The following ZNF385D variants were observed in gnomAD, a reference collection of about 807,000 sequenced individuals.
ZNF385D encodes the protein zinc finger protein 659.
Under a neutral mutation model 35.8 loss-of-function variants are expected in ZNF385D, and 15 were observed. The observed-to-expected ratio is 0.42, with a 90% CI of 0.28 to 0.64. The LOEUF (loss-of-function observed/expected upper bound fraction) is 0.64. Among genes scored for constraint, ZNF385D ranks in the 30% least tolerant of loss-of-function variants. ZNF385D has a pLI of 0.23. For missense variants in ZNF385D, 474 were observed against 494.6 expected (o/e 0.96, Z 0.39); for synonymous variants, 212 against 186.8 (o/e 1.13, Z -1.10).
chr3:22,158,965 A>T lies in ZNF385D; in HGVS notation c.325+9852T>A, dbSNP rs115995251. ...AAGGAAAACAAAAGTTAAAAAGCTT[A>T]TACTTTCAAACCTAGAAAAGCAGAG... is the stretch of plus-strand genomic sequence containing the variant. On this transcript the variant is annotated intron_variant, in intron 3 of 5. Coordinates refer to the ZNF385D transcript ENST00000494108. 5.7e-3 allele frequency among the ~76,000 whole-genome samples: 869 copies of T among 152,236 alleles called. 6 individuals are homozygous for T. Among genetic ancestry groups the T allele is most frequent in the Non-Finnish European group, 9.7e-3 (661 of 67,982 alleles).
At chr3:22,325,944 C>CAT (rs141783361) in intron 2 of ZNF385D, among the ~76,000 whole-genome samples, 2,227 of 151,884 alleles carry the variant, frequency 0.015, 31 homozygotes, top group Non-Finnish European at 0.023. Context: ...CATCATTATC[C>CAT]ATCTCTTTCC....
At chr3:21,877,696 C>T (rs556821139) in intron 3 of ZNF385D, 1 of 151,970 alleles carries the variant, frequency 6.6e-6, no homozygotes, top group Non-Finnish European at 1.5e-5. Flanking sequence ...AATGTGTGAG[C>T]TGCTATGTCA....
chr3:22,331,968 A>AT (rs2125461830), intron 2 of ZNF385D, among the ~76,000 whole-genome samples: 1 of 152,276 alleles, frequency 6.6e-6, no homozygotes, highest in African/African-American at 2.4e-5. Context: ...CACTTATTAG[A>AT]TTTTTACTTG....
intron 2 of ZNF385D, among the ~76,000 whole-genome samples, chr3:21,592,274 T>C (rs928471630): frequency 1.1e-4 from 17 of 152,298 alleles, no homozygotes; most frequent in South Asian, 2.1e-4. Context: ...TTATAAGATA[T>C]GGCTTTTCTT....
At chr3:21,983,564 T>A (rs62248412) in intron 3 of ZNF385D, among the ~76,000 whole-genome samples, 1 of 144,254 alleles carries the variant, frequency 6.9e-6, no homozygotes, top group Admixed American at 7.1e-5. Context: ...CAGTCTATCA[T>A]TGTTGGACAT....
At chr3:21,494,309 C>T (rs1252981279) in intron 4 of ZNF385D, among the ~76,000 whole-genome samples, 3 of 152,138 alleles carry the variant, frequency 2.0e-5, no homozygotes, top group African/African-American at 4.8e-5. Context: ...AAACTGTAGG[C>T]AGGCACATTA....
intron 3 of ZNF385D, among the ~76,000 whole-genome samples, chr3:21,847,910 A>G (rs1445609793): frequency 2.6e-5 from 4 of 152,024 alleles, no homozygotes; most frequent in African/African-American, 9.7e-5. Flanking sequence ...TATAGGCACC[A>G]TGTCGTGCAG....
At chr3:22,204,072 T>A (rs1696983869) in intron 2 of ZNF385D, among the ~76,000 whole-genome samples, 1 of 152,048 alleles carries the variant, frequency 6.6e-6, no homozygotes, top group Admixed American at 6.6e-5. Flanking sequence ...TCCAGCACAA[T>A]CCCAATGGTG....
At chr3:22,218,960 C>T (rs985682669) in intron 2 of ZNF385D, among the ~76,000 whole-genome samples, 8 of 152,060 alleles carry the variant, frequency 5.3e-5, no homozygotes, top group Non-Finnish European at 1.2e-4. Flanking sequence ...TACTTATTCA[C>T]ACTACAGAGA....
chr3:21,971,299 CAA>C (rs1703240652), intron 3 of ZNF385D, among the ~76,000 whole-genome samples: 1 of 151,614 alleles, frequency 6.6e-6, no homozygotes, highest in Non-Finnish European at 1.5e-5. Context: ...ATGGAAAAAA[CAA>C]AAAGTTAGAA....
Position 22,100,444 on chromosome 3 carries a change from C to T in ZNF385D, c.325+68373G>A, listed in dbSNP as rs1056077756. ...ACTTGGAACCAACCCAAATGTCCAA[C>T]AATGATAGACTGGATTAAGAAAATG... On this transcript the variant is annotated intron_variant, in intron 3 of 5. Coordinates refer to the ZNF385D transcript ENST00000494108. 5.3e-5 allele frequency among the ~76,000 whole-genome samples: 8 copies of T among 151,180 alleles called. 1 individual carries two copies. Among genetic ancestry groups the T allele is most frequent in the African/African-American group, 2.0e-4 (8 of 40,950 alleles).
intron 2 of ZNF385D, among the ~76,000 whole-genome samples, chr3:22,315,964 C>T (rs1206847343): frequency 2.6e-5 from 4 of 152,122 alleles, no homozygotes; most frequent in Non-Finnish European, 5.9e-5. Flanking sequence ...AGTCATGTAG[C>T]CAGAGGTCAC....
chr3:22,173,134 C>T (rs1694580614), intron 2 of ZNF385D, among the ~76,000 whole-genome samples: 2 of 152,130 alleles, frequency 1.3e-5, no homozygotes, highest in African/African-American at 2.4e-5. Flanking sequence ...ATACAAAATA[C>T]CTGACCAATA....
chr3:21,941,095 T>G (rs1701493491), intron 3 of ZNF385D, among the ~76,000 whole-genome samples: 1 of 152,210 alleles, frequency 6.6e-6, no homozygotes, highest in Non-Finnish European at 1.5e-5. Flanking sequence ...ATTTAACACC[T>G]ACTTTGTATT....
intron 3 of ZNF385D, among the ~76,000 whole-genome samples, chr3:21,802,951 T>C (rs938351864): frequency 1.3e-4 from 20 of 152,072 alleles, no homozygotes; most frequent in African/African-American, 4.8e-4. Flanking sequence ...GGACAAGGAA[T>C]GGGGAGAAGA....
At chr3:22,158,764 C>T (rs1214347190) in intron 3 of ZNF385D, among the ~76,000 whole-genome samples, 1 of 151,824 alleles carries the variant, frequency 6.6e-6, no homozygotes, top group Non-Finnish European at 1.5e-5. Flanking sequence ...GAGTGCCAGG[C>T]CTGGTGTAGA....
intron 3 of ZNF385D, among the ~76,000 whole-genome samples, chr3:22,066,566 G>C (rs528627372): frequency 7.5e-6 from 1 of 133,928 alleles, no homozygotes; most frequent in Non-Finnish European, 1.7e-5. Context: ...GTGTGTGTGT[G>C]TGTGTGTGTG....
chr3:22,031,305 T>C (rs1576189010), intron 3 of ZNF385D, among the ~76,000 whole-genome samples: 1 of 152,184 alleles, frequency 6.6e-6, no homozygotes, highest in Admixed American at 6.5e-5. Flanking sequence ...ATTGCCCTAG[T>C]AGAGGTTCTT....
chr3:21,583,334 T>A (rs2063719862), intron 2 of ZNF385D, among the ~76,000 whole-genome samples: 1 of 152,208 alleles, frequency 6.6e-6, no homozygotes, highest in Admixed American at 6.5e-5. Flanking sequence ...ACATTTTGTA[T>A]TTCCCATGCA....
Sources: gnomAD v4.1 joint callset for allele counts (sites outside exome capture counted in the v4.1 genomes callset) on GRCh38, gnomAD v4.1.1 for gene constraint, MANE v1.5 for transcripts, NCBI Gene and HGNC (gene_info 2026-07-23, HGNC 2026-07-21) for gene names.